The following CSMD1 variants were observed in gnomAD, a reference collection of about 807,000 sequenced individuals.
CSMD1 encodes the protein CUB and Sushi multiple domains 1.
A neutral mutation model predicts 417.5 loss-of-function variants in CSMD1; 213 were observed. That is an observed-to-expected ratio of 0.51 (90% CI 0.46 to 0.57). The LOEUF (loss-of-function observed/expected upper bound fraction) is 0.57, where lower values mean the gene tolerates loss of function less well. Ranked by LOEUF, CSMD1 falls within the 20% of genes least tolerant of loss-of-function variation. CSMD1 has a pLI of 0.00. For missense variants in CSMD1, 6,923 were observed against 4,529.7 expected (o/e 1.53, Z -15.17); for synonymous variants, 2,862 against 1,736.8 (o/e 1.65, Z -16.11).
chr8:3,503,471 TG>T (rs1796691982), intron 10 of CSMD1, among the ~76,000 whole-genome samples: 1 of 152,244 alleles, frequency 6.6e-6, no homozygotes, highest in South Asian at 2.1e-4. Context: ...ACAGCAGTCT[TG>T]GGACGGCGGC....
intron 21 of CSMD1, among the ~76,000 whole-genome samples, chr8:3,351,156 C>G (rs184107759): frequency 2.0e-5 from 3 of 152,278 alleles, no homozygotes; most frequent in Admixed American, 2.0e-4. Flanking sequence ...AATAATAGCT[C>G]ATTTATTCAA....
At chr8:3,277,768 G>T (rs550086757) in intron 26 of CSMD1, among the ~76,000 whole-genome samples, 14 of 152,286 alleles carry the variant, frequency 9.2e-5, no homozygotes, top group Non-Finnish European at 1.5e-4. Flanking sequence ...AGGCTGGCTG[G>T]TGTTTCCTTA....
intron 2 of CSMD1, among the ~76,000 whole-genome samples, chr8:4,598,802 G>A (rs994435404): frequency 1.3e-5 from 2 of 152,034 alleles, no homozygotes; most frequent in African/African-American, 4.8e-5. Flanking sequence ...GAAATAGGTT[G>A]AGTATTAAAT....
At chr8:4,675,801 T>C (rs1400877167) in intron 1 of CSMD1, among the ~76,000 whole-genome samples, 1 of 152,242 alleles carries the variant, frequency 6.6e-6, no homozygotes, top group South Asian at 2.1e-4. Context: ...TACTCTGTTT[T>C]CTTTGAACGA....
chr8:4,858,646 G>A (rs1338167801), intron 1 of CSMD1, among the ~76,000 whole-genome samples: 1 of 151,916 alleles, frequency 6.6e-6, no homozygotes, highest in East Asian at 1.9e-4. Flanking sequence ...GCCAAATCAC[G>A]AGTGAACTCC....
intron 41 of CSMD1, among the ~76,000 whole-genome samples, 187 bp downstream of exon 41, chr8:3,142,278 T>C (rs1292066458): frequency 6.6e-6 from 1 of 152,172 alleles, no homozygotes; most frequent in East Asian, 1.9e-4. Flanking sequence ...GGTGGTTCCG[T>C]CTGTGTCCTT....
rs1373378508 is a variant in CSMD1, at chr8:4,418,324, AT to A, written c.415+1628del. Among the ~76,000 whole-genome samples the A allele has an allele frequency of 2.6e-5, 4 of 152,244 alleles. No individual in the cohort carries two copies. The East Asian group carries it at 7.7e-4, about 29-fold the overall frequency. ...TGATCTTTTGGAGTAACAAAGAAAT[AT>A]TTTTCCAACATAGACAATCTTGCCC... On this transcript the variant is annotated intron_variant, in intron 3 of 69. Coordinates refer to ENST00000635120, the MANE Select transcript of CSMD1 (RefSeq NM_033225.6).
At chr8:3,737,495 T>C (rs111790830) in intron 6 of CSMD1, among the ~76,000 whole-genome samples, 14 of 152,322 alleles carry the variant, frequency 9.2e-5, no homozygotes, top group African/African-American at 3.1e-4. Flanking sequence ...TTGAAAAATT[T>C]CTCTGTTGAA....
At chr8:3,798,427 G>A (rs771667330) in intron 5 of CSMD1, among the ~76,000 whole-genome samples, 3 of 151,958 alleles carry the variant, frequency 2.0e-5, no homozygotes, top group Non-Finnish European at 2.9e-5. Flanking sequence ...TAAGAGTGCA[G>A]TTTCACTGAT....
intron 3 of CSMD1, among the ~76,000 whole-genome samples, chr8:4,325,114 C>T (rs1452913126): frequency 6.6e-6 from 1 of 152,140 alleles, no homozygotes; most frequent in Admixed American, 6.6e-5. Context: ...CTTGATGATA[C>T]TGCACATTGT....
At chr8:4,221,801 A>G (rs1356664496) in intron 3 of CSMD1, among the ~76,000 whole-genome samples, 1 of 152,184 alleles carries the variant, frequency 6.6e-6, no homozygotes, top group African/African-American at 2.4e-5. Context: ...GTGGACCTCC[A>G]AATCTCCTTT....
At chr8:3,394,856 G>C (rs1183232854) in intron 17 of CSMD1, among the ~76,000 whole-genome samples, 7 of 152,098 alleles carry the variant, frequency 4.6e-5, no homozygotes, top group African/African-American at 1.7e-4. Context: ...TATGTGAAGA[G>C]TAATAACTGA....
intron 2 of CSMD1, among the ~76,000 whole-genome samples, chr8:4,589,908 A>G (rs1799899287): frequency 6.6e-6 from 1 of 152,184 alleles, no homozygotes; most frequent in African/African-American, 2.4e-5. Context: ...CTGACACCAT[A>G]GAATATGTGG....
chr8:4,286,682 C>T (rs924240783), intron 3 of CSMD1, among the ~76,000 whole-genome samples: 1 of 152,150 alleles, frequency 6.6e-6, no homozygotes, highest in East Asian at 1.9e-4. Flanking sequence ...TTTTGTAGGG[C>T]CACAGTGGAA....
chr8:3,917,031 T>C (rs1280663577), intron 5 of CSMD1, among the ~76,000 whole-genome samples: 1 of 152,184 alleles, frequency 6.6e-6, no homozygotes, highest in Non-Finnish European at 1.5e-5. Flanking sequence ...GGAAATTGAT[T>C]TTATTTTCTT....
intron 1 of CSMD1, among the ~76,000 whole-genome samples, chr8:4,642,306 G>C (rs530262360): frequency 1.0e-3 from 152 of 152,302 alleles, no homozygotes; most frequent in African/African-American, 3.5e-3. Flanking sequence ...TTGAAAGCCT[G>C]TCTCAGAAAC....
chr8:3,500,405 G>A (rs1321998531), intron 10 of CSMD1, among the ~76,000 whole-genome samples: 1 of 152,150 alleles, frequency 6.6e-6, no homozygotes, highest in East Asian at 1.9e-4. Flanking sequence ...TATGGAGCTT[G>A]GGAGAGGTTC....
chr8:4,224,118 A>G (rs1405973173), intron 3 of CSMD1, among the ~76,000 whole-genome samples: 1 of 152,176 alleles, frequency 6.6e-6, no homozygotes, highest in Admixed American at 6.5e-5. Context: ...AGAGTAACTG[A>G]ACATACCATG....
chr8:4,804,308 A>G (rs1798467888), intron 1 of CSMD1, among the ~76,000 whole-genome samples: 1 of 152,224 alleles, frequency 6.6e-6, no homozygotes, highest in Non-Finnish European at 1.5e-5. Flanking sequence ...AGCAATTAAT[A>G]ATTGAAAAAC....
Sources: allele counts gnomAD v4.1 joint callset (sites outside exome capture counted in the v4.1 genomes callset), GRCh38; gene constraint gnomAD v4.1.1; transcripts MANE v1.5; gene names NCBI Gene and HGNC (gene_info 2026-07-23, HGNC 2026-07-21).